MBD5: variants seen among roughly 807,000 people sequenced by gnomAD.
The protein encoded by MBD5 is methyl-CpG binding domain protein 5.
In MBD5, 13 loss-of-function variants were observed where a neutral mutation model predicts 117.3. The ratio of observed to expected loss-of-function variants is 0.11; its 90% CI spans 0.07 to 0.18. The LOEUF is 0.18. Among genes scored for constraint, MBD5 ranks in the 10% least tolerant of loss-of-function variants. The pLI is 1.00. For synonymous variants in MBD5, 727 were observed against 766.4 expected, an observed-to-expected ratio of 0.95 and a Z score of 0.85; for missense variants, 1,879 against 2,093.8, an observed-to-expected ratio of 0.90 and a Z score of 2.00.
intron 11 of MBD5, among the ~76,000 whole-genome samples, chr2:148,491,896 T>C (rs1275359513): frequency 2.0e-5 from 3 of 152,010 alleles, no homozygotes; most frequent in Non-Finnish European, 4.4e-5. Context: ...GATGTAGACA[T>C]TGAACTGTTT....
In MBD5 at chr2:148,302,082, C is replaced by G. The variant is rs538879280; in HGVS notation, c.-679-40132C>G. 3.3e-5 allele frequency among the ~76,000 whole-genome samples: 5 copies of G among 152,274 alleles called. No individual in the cohort carries two copies. The South Asian group carries it at 1.0e-3, about 32-fold the overall frequency. ...TGACTAGCTACCTACTGTAACAATACTAGCTGTATAAGACCATGTGAAGAT... is the reference window on the plus strand; with the variant it reads ...TGACTAGCTACCTACTGTAACAATAGTAGCTGTATAAGACCATGTGAAGAT... On this transcript the variant is annotated intron_variant, in intron 3 of 13. Transcript: ENST00000642680.
At chr2:148,180,343 C>CAGATATATAT (rs757856356) in intron 2 of MBD5, among the ~76,000 whole-genome samples, 3 of 105,540 alleles carry the variant, frequency 2.8e-5, no homozygotes, top group African/African-American at 1.1e-4. Flanking sequence ...AAAAATTATA[C>CAGATATATAT]ATATATATAT....
At chr2:148,196,239 AT>A (rs1574122259) in intron 2 of MBD5, 2 of 152,106 alleles carry the variant, frequency 1.3e-5, no homozygotes, top group African/African-American at 4.8e-5. Flanking sequence ...ATAGGAGGTA[AT>A]TTTTTGTAAT....
chr2:148,251,530 C>T (rs1013274391), intron 3 of MBD5, among the ~76,000 whole-genome samples: 2 of 152,150 alleles, frequency 1.3e-5, no homozygotes, highest in African/African-American at 4.8e-5. Flanking sequence ...TTCTCAGTAA[C>T]TTGTACCTCA....
chr2:148,199,251 T>A (rs1412766373), intron 2 of MBD5, among the ~76,000 whole-genome samples: 1 of 152,152 alleles, frequency 6.6e-6, no homozygotes, highest in African/African-American at 2.4e-5. Context: ...TTACCTAAAG[T>A]CAGCTGATTG....
At chr2:148,040,028 A>G (rs1292944109) in intron 1 of MBD5, among the ~76,000 whole-genome samples, 2 of 152,112 alleles carry the variant, frequency 1.3e-5, no homozygotes, top group Admixed American at 1.3e-4. Flanking sequence ...CAAAAAATTT[A>G]AAAATTAAGG....
intron 4 of MBD5, among the ~76,000 whole-genome samples, chr2:148,440,651 C>T (rs1411786028): frequency 1.3e-5 from 2 of 152,114 alleles, no homozygotes; most frequent in Admixed American, 6.5e-5. Flanking sequence ...ACATTGTTTG[C>T]ATACTATGTA....
intron 4 of MBD5, among the ~76,000 whole-genome samples, chr2:148,390,571 A>G (rs1030783803): frequency 1.3e-5 from 2 of 150,786 alleles, no homozygotes; most frequent in African/African-American, 4.9e-5. Flanking sequence ...GTGTATATAT[A>G]TATATATATA....
At chr2:148,347,766 A>G (rs1308458973) in intron 4 of MBD5, among the ~76,000 whole-genome samples, 1 of 152,016 alleles carries the variant, frequency 6.6e-6, no homozygotes, top group African/African-American at 2.4e-5. Context: ...TAACTAACAT[A>G]TTCATCTTTT....
chr2:148,091,562 AT>A (rs1695944408), intron 1 of MBD5, among the ~76,000 whole-genome samples: 2 of 152,220 alleles, frequency 1.3e-5, no homozygotes, highest in Non-Finnish European at 2.9e-5. Flanking sequence ...TGGAGAAAGG[AT>A]ACCCTATTCA....
chr2:148,060,668 A>T (rs968922228), intron 1 of MBD5, among the ~76,000 whole-genome samples: 5 of 152,194 alleles, frequency 3.3e-5, no homozygotes, highest in Non-Finnish European at 7.4e-5. Context: ...AATTGGAAAA[A>T]GCAATTACTT....
chr2:148,256,053 C>T (rs796075661), intron 3 of MBD5, among the ~76,000 whole-genome samples: 3 of 152,364 alleles, frequency 2.0e-5, no homozygotes, highest in Middle Eastern at 3.4e-3. Flanking sequence ...TTAGCACATG[C>T]GTATACCCTT....
chr2:148,042,167 T>G (rs1694378770), intron 1 of MBD5, among the ~76,000 whole-genome samples: 1 of 152,236 alleles, frequency 6.6e-6, no homozygotes, highest in Admixed American at 6.5e-5. Flanking sequence ...ACTCTTGCTT[T>G]CAAGAGATGT....
intron 4 of MBD5, among the ~76,000 whole-genome samples, chr2:148,410,600 T>G (rs186743867): frequency 9.2e-4 from 140 of 152,136 alleles, no homozygotes; most frequent in African/African-American, 3.3e-3. Context: ...CTAGCTAACT[T>G]TGGTATTTTT....
At chr2:148,274,844 T>C (rs1228435943) in intron 3 of MBD5, among the ~76,000 whole-genome samples, 1 of 151,674 alleles carries the variant, frequency 6.6e-6, no homozygotes, top group African/African-American at 2.4e-5. Context: ...TGCCTCAGCC[T>C]CTCAAGTAGC....
chr2:148,099,854 GGGTATA>G (rs1696161234), intron 1 of MBD5, among the ~76,000 whole-genome samples: 2 of 152,148 alleles, frequency 1.3e-5, no homozygotes, highest in African/African-American at 4.8e-5. Context: ...TCTTTCAGCA[GGGTATA>G]GGTGGAAATG....
intron 3 of MBD5, among the ~76,000 whole-genome samples, chr2:148,280,131 C>CAAAAAAAAAAAAAAAAAAAACAAAA (rs3076398): frequency 1.1e-5 from 1 of 91,886 alleles, no homozygotes; most frequent in Non-Finnish European, 2.2e-5. Flanking sequence ...AAACTAACTG[C>CAAAAAAAAAAAAAAAAAAAACAAAA]AAAAAAAAAA....
intron 3 of MBD5, among the ~76,000 whole-genome samples, chr2:148,279,480 A>G (rs1472341387): frequency 2.0e-5 from 3 of 152,200 alleles, no homozygotes; most frequent in African/African-American, 7.2e-5. Context: ...TTCAGCAGAA[A>G]AAGGTCAGGC....
At chr2:148,184,138 A>G (rs1698595588) in intron 2 of MBD5, among the ~76,000 whole-genome samples, 1 of 151,554 alleles carries the variant, frequency 6.6e-6, no homozygotes, top group Middle Eastern at 3.4e-3. Flanking sequence ...CAGCCTCCTG[A>G]GTAGCTGGGA....
Sources: gnomAD v4.1 joint callset for allele counts (sites outside exome capture counted in the v4.1 genomes callset) on GRCh38, gnomAD v4.1.1 for gene constraint, MANE v1.5 for transcripts, NCBI Gene and HGNC (gene_info 2026-07-23, HGNC 2026-07-21) for gene names.